The following NUDT3 variants were observed in gnomAD, a reference collection of about 807,000 sequenced individuals.
NUDT3 encodes the protein diphosphoinositol polyphosphate phosphohydrolase 1.
Under a neutral mutation model 23.6 loss-of-function variants are expected in NUDT3, and 9 were observed. The ratio of observed to expected loss-of-function variants is 0.38; its 90% confidence interval spans 0.23 to 0.66. The LOEUF (loss-of-function observed/expected upper bound fraction) is 0.66, where lower values mean the gene tolerates loss of function less well. Among genes scored for constraint, NUDT3 ranks in the 30% least tolerant of loss-of-function variants. The pLI is 0.52. For missense variants in NUDT3, 172 were observed against 218.5 expected, an observed-to-expected ratio of 0.79 and a Z score of 1.34; for synonymous variants, 86 against 82.6, an observed-to-expected ratio of 1.04 and a Z score of -0.22.
intron 1 of NUDT3, among the ~76,000 whole-genome samples, chr6:34,351,211 A>AAAAAAAAAAAAG (rs1764465496): frequency 7.4e-6 from 1 of 134,536 alleles, no homozygotes; most frequent in African/African-American, 2.8e-5. Flanking sequence ...AAAAAAAAAA[A>AAAAAAAAAAAAG]AAAAAAAAAA....
intron 1 of NUDT3, among the ~76,000 whole-genome samples, chr6:34,351,732 ACT>A (rs1764480830): frequency 7.7e-6 from 1 of 129,852 alleles, no homozygotes; most frequent in South Asian, 2.4e-4. Context: ...CAAGAGTCAA[ACT>A]CTGTCTCAAA....
In NUDT3 at chr6:34,366,713, T is replaced by C. The variant is rs539674086; in HGVS notation, c.100-24741A>G. ...GCTAGGACTGCAACGTGTGCCACCA[T>C]ATCTGGCTGAGACTTACTGCTTAAT... On this transcript the variant is annotated intron_variant, in intron 1 of 4. Coordinates refer to ENST00000607016, the MANE Select transcript of NUDT3 (RefSeq NM_006703.4). Among the ~76,000 whole-genome samples the C allele has an allele frequency of 3.3e-5, 5 of 151,624 alleles. No homozygotes were observed. The South Asian group carries it at 8.3e-4, about 25-fold the overall frequency.
In NUDT3 at chr6:34,293,376, G is replaced by C. The variant is rs564463551; in HGVS notation, c.340+75C>G. ...TGAGCCTGGTACGCTCTTGTTTCTG[G>C]TTCTGGTCATGACCTGTGGCATGGC... On this transcript the variant is annotated intron_variant, in intron 4 of 4. Coordinates refer to ENST00000607016, the MANE Select transcript of NUDT3 (RefSeq NM_006703.4). 5.1e-6 allele frequency: 8 copies of C among 1,572,222 alleles called. No individual in the cohort carries two copies. The Admixed American group carries it at 6.7e-5, about 13-fold the overall frequency.
At chr6:34,384,627 C>G (rs960001740) in intron 1 of NUDT3, among the ~76,000 whole-genome samples, 1 of 152,164 alleles carries the variant, frequency 6.6e-6, no homozygotes, top group Non-Finnish European at 1.5e-5. Context: ...AATAATATGA[C>G]AGATGAATAT....
chr6:34,363,762 A>G (rs891559972), intron 1 of NUDT3, among the ~76,000 whole-genome samples: 1 of 151,794 alleles, frequency 6.6e-6, no homozygotes, highest in Non-Finnish European at 1.5e-5. Context: ...GCCCAGCAGT[A>G]ATTTTTTTTC....
At chr6:34,341,736 C>T (rs1764290678) in intron 2 of NUDT3, 126 bp downstream of exon 2, 1 of 719,070 alleles carries the variant, frequency 1.4e-6, no homozygotes, top group Non-Finnish European at 2.1e-6. Flanking sequence ...GACCGGATAA[C>T]CATTCATTGC....
chr6:34,351,203 A>T (rs572536662), intron 1 of NUDT3, among the ~76,000 whole-genome samples: 1 of 111,960 alleles, frequency 8.9e-6, no homozygotes, highest in Non-Finnish European at 1.7e-5. Flanking sequence ...CTGCCTAAAA[A>T]AAAAAAAAAA....
intron 1 of NUDT3, among the ~76,000 whole-genome samples, chr6:34,371,076 A>G (rs1027826540): frequency 6.6e-6 from 1 of 151,600 alleles, no homozygotes; most frequent in Admixed American, 6.6e-5. Context: ...GTACCACTGC[A>G]CTCCAGCCTG....
chr6:34,334,163 G>A (rs1764170766), intron 2 of NUDT3, among the ~76,000 whole-genome samples: 2 of 152,326 alleles, frequency 1.3e-5, no homozygotes, highest in Admixed American at 1.3e-4. Flanking sequence ...GGCAGTTGCT[G>A]TGACAATGTC....
chr6:34,382,748 T>C (rs952620568), intron 1 of NUDT3, among the ~76,000 whole-genome samples: 2 of 151,754 alleles, frequency 1.3e-5, no homozygotes, highest in Non-Finnish European at 2.9e-5. Context: ...GGAGGATCGC[T>C]TGAGCTCAGG....
chr6:34,391,978 G>A (rs1765209535), intron 1 of NUDT3, among the ~76,000 whole-genome samples: 1 of 152,218 alleles, frequency 6.6e-6, no homozygotes, highest in Non-Finnish European at 1.5e-5. Flanking sequence ...TTCTCCCGCG[G>A]CCGCTCTCCC....
intron 1 of NUDT3, among the ~76,000 whole-genome samples, chr6:34,381,064 T>C (rs1765008930): frequency 6.6e-6 from 1 of 152,202 alleles, no homozygotes; most frequent in Non-Finnish European, 1.5e-5. Flanking sequence ...TCACCCAGGC[T>C]GAAGTGCAGT....
At chr6:34,345,429 C>G (rs532891092) in intron 1 of NUDT3, among the ~76,000 whole-genome samples, 1 of 151,196 alleles carries the variant, frequency 6.6e-6, no homozygotes, top group Non-Finnish European at 1.5e-5. Context: ...TTAGGGAGGT[C>G]GAGGCGGGCA....
chr6:34,392,354 C>G lies in NUDT3; in HGVS notation c.9G>C (p.Lys3Asn), dbSNP rs142947374. 2.5e-6 allele frequency: 4 copies of G among 1,602,302 alleles called. No homozygotes were observed. The South Asian group carries it at 3.3e-5, about 13-fold the overall frequency. MM[K>N]LKSNQTRTYD... ...AGGTGCGGGTCTGGTTCGACTTGAG[C>G]TTCATCATCCTCCGGGCCCGGGTGG... is the stretch of plus-strand genomic sequence containing the variant. Residue 3 changes from lysine to asparagine, a missense_variant, in exon 1 of 5, where the codon AAG becomes AAC. By Grantham distance (94) the Lys-to-Asn change is moderately conservative. Around this residue, in one of 3 missense-constraint regions of NUDT3, gnomAD observed 50 missense variants for 46.2 expected, o/e 1.08. Transcript: ENST00000607016.
chr6:34,314,452 G>A (rs1321987638), intron 2 of NUDT3, among the ~76,000 whole-genome samples: 4 of 151,254 alleles, frequency 2.6e-5, no homozygotes, highest in Admixed American at 1.3e-4. Flanking sequence ...CCAGCTACTC[G>A]GGAGGCTGAG....
chr6:34,348,130 A>G (rs1441883365), intron 1 of NUDT3, among the ~76,000 whole-genome samples: 1 of 151,850 alleles, frequency 6.6e-6, no homozygotes, highest in East Asian at 1.9e-4. Flanking sequence ...AAACAAAAAC[A>G]AAAAAATTAG....
At chr6:34,350,568 C>A (rs1764450944) in intron 1 of NUDT3, among the ~76,000 whole-genome samples, 1 of 150,868 alleles carries the variant, frequency 6.6e-6, no homozygotes, top group African/African-American at 2.5e-5. Context: ...ATGAGTAAAG[C>A]TGAGTATGAG....
rs115207093 is a variant in NUDT3 at position 34,367,461 on chromosome 6, G to A, written c.99+24803C>T. Among the ~76,000 whole-genome samples, 843 of 149,318 alleles carry A rather than the reference G, an allele frequency of 5.6e-3. 3 individuals carry two copies. Among genetic ancestry groups the A allele is most frequent in the African/African-American group, 0.018 (718 of 40,176 alleles). ...CGCACCATTGAACTACAGCCTGGAC[G>A]ACAAGAGTGAGACTCCATCTCATTA... On this transcript the variant is annotated intron_variant, in intron 1 of 4. Transcript: ENST00000607016.
intron 2 of NUDT3, among the ~76,000 whole-genome samples, chr6:34,332,311 G>C (rs1158856182): frequency 1.3e-5 from 2 of 152,124 alleles, no homozygotes; most frequent in Non-Finnish European, 2.9e-5. Flanking sequence ...ATAAGGAAGA[G>C]AAAATATATT....
Sources: allele counts gnomAD v4.1 joint callset (sites outside exome capture counted in the v4.1 genomes callset), GRCh38; gene constraint gnomAD v4.1.1; regional missense constraint gnomAD v4.1.1; transcripts MANE v1.5; gene names NCBI Gene and HGNC (gene_info 2026-07-23, HGNC 2026-07-21).